TNR: variants seen among roughly 807,000 people sequenced by gnomAD.
TNR encodes the protein tenascin-R.
In TNR, 45 loss-of-function variants were observed where a neutral mutation model predicts 150.4. The observed-to-expected ratio is 0.30, with a 90% CI of 0.24 to 0.38. The LOEUF (loss-of-function observed/expected upper bound fraction) is 0.38, where lower values mean the gene tolerates loss of function less well. Ranked by LOEUF, TNR falls within the 10% of genes least tolerant of loss-of-function variation. The pLI, the probability that TNR is intolerant of heterozygous loss-of-function variation, is 1.00. For missense variants in TNR, 1,544 were observed against 1,759.1 expected (o/e 0.88, Z 2.19); for synonymous variants, 687 against 678.4 (o/e 1.01, Z -0.20).
intron 20 of TNR, 104 bp from the exon 21 acceptor site, chr1:175,330,339 GGGGA>G: frequency 3.1e-6 from 4 of 1,281,962 alleles, no homozygotes; most frequent in Non-Finnish European, 4.2e-6. Context: ...GGGAAGAGGA[GGGGA>G]CTCCAGATTG....
chr1:175,331,038 TTTCTTTC>T (rs1557867420), intron 20 of TNR, among the ~76,000 whole-genome samples: 8 of 66,960 alleles, frequency 1.2e-4, no homozygotes, highest in African/African-American at 3.5e-4. Context: ...TCTTTCTTTC[TTTCTTTC>T]TTTCTTTCTT....
At chr1:175,515,945 G>A (rs1276623546) in intron 2 of TNR, among the ~76,000 whole-genome samples, 1 of 152,198 alleles carries the variant, frequency 6.6e-6, no homozygotes, top group East Asian at 1.9e-4. Flanking sequence ...GGCAAACCTG[G>A]AAGGTTCTTG....
chr1:175,598,780 G>A (rs1226328570), intron 1 of TNR, among the ~76,000 whole-genome samples: 1 of 152,170 alleles, frequency 6.6e-6, no homozygotes, highest in Non-Finnish European at 1.5e-5. Flanking sequence ...CACTCAAAGA[G>A]CCAAGGTCTA....
intron 5 of TNR, among the ~76,000 whole-genome samples, chr1:175,395,494 C>G (rs1181428406): frequency 6.6e-6 from 1 of 152,132 alleles, no homozygotes; most frequent in African/African-American, 2.4e-5. Flanking sequence ...ATCTCTGTAT[C>G]ACTCATACCT....
chr1:175,710,288 A>T (rs1037304376), intron 1 of TNR, among the ~76,000 whole-genome samples: 1 of 151,958 alleles, frequency 6.6e-6, no homozygotes, highest in Admixed American at 6.5e-5. Context: ...GGGACCTGAG[A>T]TGGTTTCCTA....
intron 2 of TNR, among the ~76,000 whole-genome samples, chr1:175,429,372 T>C (rs541892019): frequency 6.6e-6 from 1 of 152,300 alleles, no homozygotes; most frequent in Non-Finnish European, 1.5e-5. Context: ...TCAAGTGGTA[T>C]TAAAAGAACA....
chr1:175,533,342 C>G (rs1256755391), intron 1 of TNR, among the ~76,000 whole-genome samples: 1 of 152,140 alleles, frequency 6.6e-6, no homozygotes, highest in Non-Finnish European at 1.5e-5. Flanking sequence ...GGAAGGAACT[C>G]GAAACTTCTT....
At chr1:175,675,079 T>C (rs1665818735) in intron 1 of TNR, among the ~76,000 whole-genome samples, 1 of 152,152 alleles carries the variant, frequency 6.6e-6, no homozygotes, top group South Asian at 2.1e-4. Flanking sequence ...GACTCTGACA[T>C]ATAATGTAGA....
intron 2 of TNR, among the ~76,000 whole-genome samples, chr1:175,420,968 T>C (rs931201902): frequency 6.6e-6 from 1 of 152,240 alleles, no homozygotes; most frequent in East Asian, 1.9e-4. Flanking sequence ...TATTTATCTT[T>C]GTGTTTCAGG....
At chr1:175,586,210 G>A (rs1662563014) in intron 1 of TNR, among the ~76,000 whole-genome samples, 1 of 152,154 alleles carries the variant, frequency 6.6e-6, no homozygotes, top group Non-Finnish European at 1.5e-5. Flanking sequence ...GGAAAGAGAT[G>A]GATGCTGGGT....
At chr1:175,601,768 T>C (rs977133055) in intron 1 of TNR, among the ~76,000 whole-genome samples, 15 of 152,182 alleles carry the variant, frequency 9.9e-5, no homozygotes, top group African/African-American at 3.6e-4. Context: ...TATTATACTA[T>C]CTCTATAGTT....
At chr1:175,542,936 C>T (rs1660559770) in intron 1 of TNR, among the ~76,000 whole-genome samples, 1 of 152,138 alleles carries the variant, frequency 6.6e-6, no homozygotes, top group Admixed American at 6.5e-5. Context: ...AATGTAGCTA[C>T]TGTTTGGAAC....
At chr1:175,372,674 G>A (rs1240638890) in intron 9 of TNR, among the ~76,000 whole-genome samples, 1 of 152,222 alleles carries the variant, frequency 6.6e-6, no homozygotes, top group Non-Finnish European at 1.5e-5. Flanking sequence ...GAAAGTGGTA[G>A]GGAGAAGGAG....
chr1:175,385,698 G>A (rs1309875614), intron 8 of TNR, among the ~76,000 whole-genome samples: 1 of 152,144 alleles, frequency 6.6e-6, no homozygotes, highest in African/African-American at 2.4e-5. Context: ...TTTCCATTTG[G>A]ACTAGCGATA....
intron 1 of TNR, among the ~76,000 whole-genome samples, chr1:175,703,066 A>AT (rs922545951): frequency 1.3e-5 from 2 of 152,174 alleles, no homozygotes; most frequent in Non-Finnish European, 2.9e-5. Flanking sequence ...AGTAAAAAAA[A>AT]AAAATGGAAG....
At chr1:175,556,365 G>T (rs989738429) in intron 1 of TNR, among the ~76,000 whole-genome samples, 2 of 152,228 alleles carry the variant, frequency 1.3e-5, no homozygotes, top group Non-Finnish European at 2.9e-5. Context: ...TAAAGGACTG[G>T]TATACTGCCT....
intron 1 of TNR, among the ~76,000 whole-genome samples, chr1:175,570,678 TTCTC>T (rs1330563765): frequency 1.3e-5 from 2 of 152,140 alleles, no homozygotes; most frequent in South Asian, 2.1e-4. Context: ...CCCTTCTTCC[TTCTC>T]TCTCTTTTTC....
rs951554023 is a variant in TNR at position 175,418,512 on chromosome 1, A to G, written c.-63-11735T>C. Among the ~76,000 whole-genome samples, 4 of 152,344 alleles carry G rather than the reference A, an allele frequency of 2.6e-5. No individual in the cohort carries two copies. In the East Asian group the frequency reaches 7.7e-4, roughly 29 times the overall value. The stretch of plus-strand genomic sequence containing the variant: ...GCCAAGGCAGATGGATCACGAGGTC[A>G]GGAGATTGAGACCATTCTGGCCAAC... On this transcript the variant is annotated intron_variant, in intron 2 of 22. Coordinates refer to ENST00000367674, the MANE Select transcript of TNR (RefSeq NM_003285.3).
Position 175,461,305 on chromosome 1 carries a change from C to T in TNR, c.-63-54528G>A, listed in dbSNP as rs116420941. 7.0e-3 allele frequency among the ~76,000 whole-genome samples: 1,064 copies of T among 152,234 alleles called. 7 individuals are homozygous for T. Among genetic ancestry groups the T allele is most frequent in the African/African-American group, 0.023 (976 of 41,542 alleles). The stretch of plus-strand genomic sequence containing the variant: ...ACTAAGATTTATAGCACTCAGTGTC[C>T]GGAAAGATGCAATTTACCTCACAGG... On this transcript the variant is annotated intron_variant, in intron 2 of 22. Transcript: ENST00000367674.
Sources: gnomAD v4.1 joint callset for allele counts (sites outside exome capture counted in the v4.1 genomes callset) on GRCh38, gnomAD v4.1.1 for gene constraint, MANE v1.5 for transcripts, NCBI Gene and HGNC (gene_info 2026-07-23, HGNC 2026-07-21) for gene names.